Variants in TTC23L observed in about 807,000 individuals in gnomAD.
The protein encoded by TTC23L is tetratricopeptide repeat protein 23-like.
TTC23L carries 42 observed loss-of-function variants against 48.1 expected under a neutral mutation model. The ratio of observed to expected loss-of-function variants is 0.87; its 90% CI spans 0.68 to 1.13. The LOEUF is 1.13. Ranked by LOEUF, TTC23L falls within the 50% of genes most tolerant of loss-of-function variation. The pLI, the probability that TTC23L is intolerant of heterozygous loss-of-function variation, is 0.00. For synonymous variants in TTC23L, 159 were observed against 157.2 expected, an observed-to-expected ratio of 1.01 and a Z score of -0.09; for missense variants, 391 against 421.0, an observed-to-expected ratio of 0.93 and a Z score of 0.62.
chr5:34,917,019 T>C, the TTC23L span, among the ~76,000 whole-genome samples: 4 of 152,192 alleles, frequency 2.6e-5, no homozygotes, highest in Non-Finnish European at 4.4e-5. Flanking sequence ...GCAGGAGATA[T>C]AGATTATTTT....
intron 6 of TTC23L, among the ~76,000 whole-genome samples, chr5:34,866,608 C>G (rs1761063007): frequency 6.6e-6 from 1 of 151,610 alleles, no homozygotes. Flanking sequence ...GTGAATTATC[C>G]CATCTTGTGA....
the TTC23L span, chr5:34,914,601 C>T: frequency 3.5e-6 from 4 of 1,153,862 alleles, no homozygotes; most frequent in East Asian, 4.8e-5. Flanking sequence ...GTTATTATGA[C>T]TATTAAGTTA....
intron 1 of TTC23L, chr5:34,839,648 A>G (rs1580404577): frequency 1.0e-6 from 1 of 985,192 alleles, no homozygotes; most frequent in Non-Finnish European, 1.2e-6. Flanking sequence ...GATGCTCTGG[A>G]GCCTGGGTCA....
intron 8 of TTC23L, among the ~76,000 whole-genome samples, chr5:34,879,665 A>T (rs1211181439): frequency 6.6e-6 from 1 of 152,186 alleles, no homozygotes; most frequent in Non-Finnish European, 1.5e-5. Context: ...TGGATTTTAT[A>T]AGGAGAATAA....
the TTC23L span, chr5:34,908,751 G>A: frequency 1.3e-6 from 2 of 1,575,770 alleles, no homozygotes; most frequent in South Asian, 2.3e-5. Flanking sequence ...ATAAATATCA[G>A]TGAATTGTCA....
At chr5:34,853,665 A>C (rs986650379) in intron 4 of TTC23L, among the ~76,000 whole-genome samples, 14 of 152,156 alleles carry the variant, frequency 9.2e-5, no homozygotes, top group African/African-American at 3.4e-4. Context: ...AAGCCAAGGG[A>C]GGAGAGAGGG....
intron 4 of TTC23L, among the ~76,000 whole-genome samples, chr5:34,856,637 G>C (rs1364618094): frequency 6.6e-6 from 1 of 152,152 alleles, no homozygotes; most frequent in Non-Finnish European, 1.5e-5. Context: ...GAGAGAAGTG[G>C]AAGAAACAGA....
Position 34,868,788 on chromosome 5 carries a change from T to C in TTC23L, c.841-117T>C, listed in dbSNP as rs1761239042. Reference sequence around the variant, plus strand: ...TTCTACGAATGAAGGTGAAATTACTTGCACAAGACTCATAGCTAGGAAGTG... The same window carrying C: ...TTCTACGAATGAAGGTGAAATTACTCGCACAAGACTCATAGCTAGGAAGTG... On this transcript the variant is annotated intron_variant, in intron 7 of 10. Transcript: ENST00000505624. 100 of 793,764 alleles carry C rather than the reference T, an allele frequency of 1.3e-4. 1 individual carries two copies. The South Asian group carries it at 1.5e-3, about 12-fold the overall frequency. The allele number at this position is 793,764 out of a possible 1,614,324, so 49.2% of individuals were successfully genotyped here.
the TTC23L span, chr5:34,907,924 G>A: frequency 6.6e-6 from 1 of 152,124 alleles, no homozygotes; most frequent in African/African-American, 2.4e-5. Flanking sequence ...CCAAAATTTA[G>A]CAGGCATCAG....
chr5:34,863,075 G>T lies in TTC23L; in HGVS notation c.536+21G>T, dbSNP rs1213634966. On this transcript the variant is annotated intron_variant, in intron 5 of 10. Transcript: ENST00000505624. The surrounding 1 kb of genome is among the most constrained non-coding windows in gnomAD (Gnocchi z 4.1). Reference sequence around the variant, plus strand: ...AACCGATATCCTTCCATTCCTAGCTGCGTTTAGTGTTCGGGGCCACAGGCC... The same window carrying T: ...AACCGATATCCTTCCATTCCTAGCTTCGTTTAGTGTTCGGGGCCACAGGCC... The T allele has an allele frequency of 6.2e-7, 1 of 1,613,198 alleles. No homozygotes were observed. The highest frequency in any genetic ancestry group is 1.3e-5 in the African/African-American group (1 of 74,894).
In TTC23L at chr5:34,864,412, T is replaced by C. The variant is rs763153730; in HGVS notation, c.537-25T>C. 14 of 1,612,734 alleles carry C rather than the reference T, an allele frequency of 8.7e-6. No homozygotes were observed. The South Asian group carries it at 1.4e-4, about 16-fold the overall frequency. ...GTGCAGTGGATGTTAGTTTGAGTGC[T>C]TGCCATTTTCCTTGACTATTTCACT... On this transcript the variant is annotated intron_variant, in intron 5 of 10. Transcript: ENST00000505624.
At chr5:34,919,868 A>G in the TTC23L span, 446 of 1,190,608 alleles carry the variant, frequency 3.7e-4, 3 homozygotes, top group African/African-American at 6.4e-3. Context: ...AGGATAAGCT[A>G]TTTGTGATTA....
intron 2 of TTC23L, 52 bp from the exon 3 acceptor site, chr5:34,845,435 T>C (rs1759028437): frequency 1.9e-6 from 3 of 1,559,890 alleles, no homozygotes; most frequent in Admixed American, 3.8e-5. Flanking sequence ...TTTTACCTTG[T>C]TTGAGATGGA....
intron 1 of TTC23L, among the ~76,000 whole-genome samples, chr5:34,840,434 GAGA>G (rs1292571224): frequency 5.3e-5 from 8 of 152,210 alleles, no homozygotes; most frequent in Non-Finnish European, 1.5e-5. Flanking sequence ...AGGGATTTTG[GAGA>G]AGTAGGGTGG....
chr5:34,892,932 A>G (rs1056154229), intron 9 of TTC23L, among the ~76,000 whole-genome samples: 1 of 152,214 alleles, frequency 6.6e-6, no homozygotes, highest in African/African-American at 2.4e-5. Flanking sequence ...ACAGAAAGCA[A>G]CCATCAAAGA....
At chr5:34,885,641 T>C (rs180710460) in intron 9 of TTC23L, among the ~76,000 whole-genome samples, 180 of 152,004 alleles carry the variant, frequency 1.2e-3, no homozygotes, top group African/African-American at 4.2e-3. Flanking sequence ...CCCAGCTACT[T>C]TAGAGGCTGA....
At chr5:34,841,806 T>G (rs544187793) in intron 2 of TTC23L, among the ~76,000 whole-genome samples, 1 of 152,352 alleles carries the variant, frequency 6.6e-6, no homozygotes, top group East Asian at 1.9e-4. Context: ...CATGAGCCAC[T>G]GTGCCCAGGT....
At chr5:34,889,828 G>T (rs532482492) in intron 9 of TTC23L, among the ~76,000 whole-genome samples, 112 of 150,824 alleles carry the variant, frequency 7.4e-4, no homozygotes, top group East Asian at 2.4e-3. Context: ...ATTAGGTGGG[G>T]TTTTTTTTTG....
the TTC23L span, chr5:34,922,831 A>C: frequency 4.1e-6 from 6 of 1,453,286 alleles, no homozygotes; most frequent in Non-Finnish European, 5.8e-6. Context: ...TTTTTAGTAG[A>C]TATAGTTGTG....
Sources: allele counts gnomAD v4.1 joint callset (sites outside exome capture counted in the v4.1 genomes callset), GRCh38; gene constraint gnomAD v4.1.1; non-coding constraint Gnocchi (gnomAD v3.1); transcripts MANE v1.5; gene names NCBI Gene and HGNC (gene_info 2026-07-23, HGNC 2026-07-21).